Variants in SPRR2G observed in about 807,000 individuals in gnomAD.
SPRR2G encodes small proline-rich protein 2G.
In SPRR2G, 1 loss-of-function variant was observed where a neutral mutation model predicts 0.7. The observed-to-expected ratio is 1.49, with a 90% confidence interval of 0.53 to 7.06. The LOEUF is 7.06. Among genes scored for constraint, SPRR2G ranks in the 30% most tolerant of loss-of-function variants. The pLI is 0.14. For synonymous variants in SPRR2G, 38 were observed against 33.9 expected (o/e 1.12, Z -0.42); for missense variants, 96 against 88.5 (o/e 1.09, Z -0.34).
chr1:153,152,094 T>C (rs1656482868), upstream of SPRR2G, among the ~76,000 whole-genome samples: 1 of 152,134 alleles, frequency 6.6e-6, no homozygotes, highest in South Asian at 2.1e-4. Flanking sequence ...CTACAAAAAC[T>C]CAAAGAGTGG....
chr1:153,149,662 T>C lies in SPRR2G; in HGVS notation c.*227A>G. 2 of 611,860 alleles carry C rather than the reference T, an allele frequency of 3.3e-6. No individual in the cohort carries two copies. Among genetic ancestry groups the C allele is most frequent in the Non-Finnish European group, 5.7e-6 (2 of 348,402 alleles). The allele number at this position is 611,860 out of a possible 1,614,324, so 37.9% of individuals were successfully genotyped here. On this transcript the variant is annotated 3_prime_UTR_variant, in exon 2 of 2. Transcript: ENST00000368748. ...CTTGCTCTCAGGATAGGAACCACCA[T>C]CTACATCACAGACAGCAAAGCGAGA...
At position 153,149,865 on chromosome 1, in the gene SPRR2G, T is replaced by G. The variant is rs371151725; in HGVS notation, c.*24A>C. On this transcript the variant is annotated 3_prime_UTR_variant, in exon 2 of 2. Coordinates refer to ENST00000368748, the MANE Select transcript of SPRR2G (RefSeq NM_001014291.4). ...AGAGCCACTGGATCTTGTTGTTTCA[T>G]GGTCCTGATGAATTCTAGTGATGTT... The G allele has an allele frequency of 6.2e-7, 1 of 1,613,454 alleles. No homozygotes were observed. The highest frequency in any genetic ancestry group is 8.5e-7 in the Non-Finnish European group (1 of 1,179,580).
chr1:153,189,102 T>C, the SPRR2G span, among the ~76,000 whole-genome samples: 1 of 152,244 alleles, frequency 6.6e-6, no homozygotes, highest in Non-Finnish European at 1.5e-5. Flanking sequence ...TATTCAGTCA[T>C]CTTGCCAGCT....
the SPRR2G span, among the ~76,000 whole-genome samples, chr1:153,167,001 G>A: frequency 2.6e-5 from 4 of 152,118 alleles, no homozygotes; most frequent in African/African-American, 4.8e-5. Flanking sequence ...AAGAGGGGCC[G>A]AGATCCAGAA....
chr1:153,173,541 A>G, the SPRR2G span, among the ~76,000 whole-genome samples: 245 of 152,326 alleles, frequency 1.6e-3, no homozygotes, highest in South Asian at 0.019. Flanking sequence ...ATGGTCTTTC[A>G]GCCTCTGCTT....
the SPRR2G span, among the ~76,000 whole-genome samples, chr1:153,167,705 T>G: frequency 6.6e-6 from 1 of 152,306 alleles, no homozygotes; most frequent in East Asian, 1.9e-4. Context: ...GACCTTATCT[T>G]CTTATAGAAG....
chr1:153,149,974 C>A lies in SPRR2G; in HGVS notation c.137G>T (p.Cys46Phe), dbSNP rs1248332427. The change falls in exon 2 of 2, where the codon TGC (cysteine) becomes TTC (phenylalanine). Residue 46 changes from cysteine (C) to phenylalanine (F), a missense_variant. Cys to Phe is a radical substitution (Grantham distance 205, BLOSUM62 -2). Transcript: ENST00000368748. The stretch of plus-strand genomic sequence containing the variant: ...TTTATCCTGGCATGGTGGAGGTGGG[C>A]AATGCTCAGGTGGACAAGGAGGAGG... Reference protein sequence around the residue: ...YLPPPCPPEHCPPPPCQDKCP... With the variant: ...YLPPPCPPEHFPPPPCQDKCP... The A allele has an allele frequency of 6.2e-7, 1 of 1,613,902 alleles. No individual in the cohort carries two copies. The highest frequency in any genetic ancestry group is 2.2e-5 in the East Asian group (1 of 44,874).
the SPRR2G span, among the ~76,000 whole-genome samples, chr1:153,189,826 C>T: frequency 1.1e-4 from 16 of 152,178 alleles, no homozygotes; most frequent in African/African-American, 3.6e-4. Context: ...GAACAGGGGA[C>T]ACAGAGTCAA....
At chr1:153,187,696 C>T in the SPRR2G span, among the ~76,000 whole-genome samples, 1 of 152,236 alleles carries the variant, frequency 6.6e-6, no homozygotes, top group East Asian at 1.9e-4. Context: ...CTGAAGCCTA[C>T]TTCTGTCAAT....
At chr1:153,178,355 A>T in the SPRR2G span, among the ~76,000 whole-genome samples, 2 of 152,136 alleles carry the variant, frequency 1.3e-5, no homozygotes, top group African/African-American at 4.8e-5. Context: ...ACTTCCAGGA[A>T]ATGTTAGAAT....
At chr1:153,151,462 G>A (rs558151568), upstream of SPRR2G, among the ~76,000 whole-genome samples, 4 of 152,284 alleles carry the variant, frequency 2.6e-5, no homozygotes, top group Admixed American at 2.0e-4. Context: ...GTTCTGACAT[G>A]GTATTAATGG....
chr1:153,159,280 C>T, the SPRR2G span, among the ~76,000 whole-genome samples: 1 of 152,350 alleles, frequency 6.6e-6, no homozygotes, highest in African/African-American at 2.4e-5. Context: ...CAGAGCACCA[C>T]ACATCTCCAG....
chr1:153,173,382 G>A, the SPRR2G span, among the ~76,000 whole-genome samples: 1 of 152,116 alleles, frequency 6.6e-6, no homozygotes, highest in African/African-American at 2.4e-5. Context: ...TAAATATGGA[G>A]GTTGTCCTAC....
the SPRR2G span, among the ~76,000 whole-genome samples, chr1:153,197,567 C>T: frequency 6.6e-6 from 1 of 152,188 alleles, no homozygotes; most frequent in Non-Finnish European, 1.5e-5. Context: ...CAGGCCCTGG[C>T]CCAGCACTAA....
chr1:153,177,868 C>CAA, the SPRR2G span, among the ~76,000 whole-genome samples: 2 of 142,206 alleles, frequency 1.4e-5, no homozygotes, highest in African/African-American at 5.1e-5. Context: ...TTAAGTCCTC[C>CAA]AAAAAAAAAA....
the SPRR2G span, among the ~76,000 whole-genome samples, chr1:153,168,697 A>T: frequency 6.6e-6 from 1 of 152,208 alleles, no homozygotes; most frequent in Non-Finnish European, 1.5e-5. Context: ...TGAAGAGAAC[A>T]TAAAAGTATG....
At chr1:153,170,537 T>C in the SPRR2G span, among the ~76,000 whole-genome samples, 6 of 151,716 alleles carry the variant, frequency 4.0e-5, no homozygotes, top group Non-Finnish European at 7.4e-5. Context: ...GCAGAAAAGG[T>C]AGACCTGGGT....
chr1:153,182,983 T>A, the SPRR2G span, among the ~76,000 whole-genome samples: 2 of 152,148 alleles, frequency 1.3e-5, no homozygotes, highest in Admixed American at 6.5e-5. Context: ...ATGGTTAAGC[T>A]AATTTACACT....
the SPRR2G span, among the ~76,000 whole-genome samples, chr1:153,196,605 A>G: frequency 9.8e-5 from 15 of 152,292 alleles, no homozygotes; most frequent in African/African-American, 3.6e-4. Context: ...CCACTTTATT[A>G]AAAAATATGA....
Sources: allele counts gnomAD v4.1 joint callset (sites outside exome capture counted in the v4.1 genomes callset), GRCh38; gene constraint gnomAD v4.1.1; transcripts MANE v1.5; gene names NCBI Gene and HGNC (gene_info 2026-07-23, HGNC 2026-07-21).